GALNT13: variants seen among roughly 807,000 people sequenced by gnomAD.
GALNT13 encodes UDP-GalNAc:polypeptide N-acetylgalactosaminyltransferase 13.
In GALNT13, 28 loss-of-function variants were observed where a neutral mutation model predicts 64.2. The observed-to-expected ratio is 0.44, with a 90% CI of 0.32 to 0.60. GALNT13 has a LOEUF of 0.60. GALNT13 is among the 20% of genes least tolerant of loss of function. GALNT13 has a pLI of 0.05. For missense variants in GALNT13, 577 were observed against 669.8 expected (o/e 0.86, Z 1.53); for synonymous variants, 214 against 224.6 (o/e 0.95, Z 0.42).
At chr2:153,886,868 A>T (rs1227123914) in intron 1 of GALNT13, among the ~76,000 whole-genome samples, 1 of 151,942 alleles carries the variant, frequency 6.6e-6, no homozygotes, top group African/African-American at 2.4e-5. Flanking sequence ...CTAAGATAAG[A>T]TAAATGTAGA....
At chr2:153,913,333 AGGG>A (rs1405970760) in intron 2 of GALNT13, among the ~76,000 whole-genome samples, 1 of 152,128 alleles carries the variant, frequency 6.6e-6, no homozygotes, top group African/African-American at 2.4e-5. Context: ...GTGGTATAGC[AGGG>A]TGCGTGCACA....
chr2:154,016,327 A>C (rs1325356290), intron 3 of GALNT13, among the ~76,000 whole-genome samples: 1 of 152,218 alleles, frequency 6.6e-6, no homozygotes, highest in East Asian at 1.9e-4. Flanking sequence ...GTGATTTTTA[A>C]AGATTATGTT....
intron 4 of GALNT13, among the ~76,000 whole-genome samples, chr2:154,172,929 A>G (rs1244261219): frequency 1.3e-5 from 2 of 152,126 alleles, no homozygotes; most frequent in African/African-American, 4.8e-5. Flanking sequence ...TGCAATCCCT[A>G]TCAAAATACC....
the GALNT13 span, among the ~76,000 whole-genome samples, chr2:153,419,277 G>C: frequency 1.3e-5 from 2 of 152,170 alleles, no homozygotes; most frequent in Non-Finnish European, 2.9e-5. Flanking sequence ...AGTATCATGA[G>C]AACAGATGAG....
At chr2:153,978,887 C>T (rs1694256975) in intron 3 of GALNT13, among the ~76,000 whole-genome samples, 1 of 151,978 alleles carries the variant, frequency 6.6e-6, no homozygotes, top group African/African-American at 2.4e-5. Context: ...AGTGAGCTCT[C>T]ATTGCACCAC....
chr2:154,185,694 T>G (rs1686212342), intron 4 of GALNT13, among the ~76,000 whole-genome samples: 2 of 151,946 alleles, frequency 1.3e-5, no homozygotes, highest in Admixed American at 1.3e-4. Flanking sequence ...TTTCTATTTT[T>G]TTATAATTTT....
intron 9 of GALNT13, among the ~76,000 whole-genome samples, chr2:154,325,857 G>C (rs556683933): frequency 6.6e-6 from 1 of 152,090 alleles, no homozygotes; most frequent in South Asian, 2.1e-4. Flanking sequence ...CAGCTGTGAG[G>C]GTAACTCATT....
At chr2:153,387,778 T>A in the GALNT13 span, among the ~76,000 whole-genome samples, 2 of 152,070 alleles carry the variant, frequency 1.3e-5, no homozygotes, top group African/African-American at 2.4e-5. Context: ...CAAAGATGAT[T>A]TTTTGGAAGT....
the GALNT13 span, among the ~76,000 whole-genome samples, chr2:153,112,112 T>A: frequency 6.6e-6 from 1 of 152,138 alleles, no homozygotes; most frequent in African/African-American, 2.4e-5. Context: ...TCCTTCCATA[T>A]GGCGGGGGCA....
intron 11 of GALNT13, among the ~76,000 whole-genome samples, chr2:154,425,078 A>G (rs746647635): frequency 2.2e-4 from 34 of 152,356 alleles, no homozygotes; most frequent in Non-Finnish European, 4.4e-4. Flanking sequence ...TAAACAATAC[A>G]TAAGTATATC....
intron 3 of GALNT13, among the ~76,000 whole-genome samples, chr2:154,061,293 A>G (rs1700168842): frequency 6.6e-6 from 1 of 152,104 alleles, no homozygotes; most frequent in Admixed American, 6.5e-5. Flanking sequence ...AGTAATTGCA[A>G]TGCGTTGGCT....
chr2:153,752,903 T>C, the GALNT13 span, among the ~76,000 whole-genome samples: 1 of 152,174 alleles, frequency 6.6e-6, no homozygotes, highest in Admixed American at 6.6e-5. Flanking sequence ...TGAGGCTATT[T>C]TCTAGATCTT....
At chr2:154,151,505 G>C (rs899514954) in intron 4 of GALNT13, among the ~76,000 whole-genome samples, 4 of 152,104 alleles carry the variant, frequency 2.6e-5, no homozygotes, top group Non-Finnish European at 5.9e-5. Context: ...CTGTCTCGTT[G>C]ATCTGTCTAA....
chr2:153,643,021 T>C, the GALNT13 span, among the ~76,000 whole-genome samples: 1 of 151,526 alleles, frequency 6.6e-6, no homozygotes, highest in South Asian at 2.1e-4. Flanking sequence ...TAAATGCCAC[T>C]TAATATAATC....
chr2:154,116,180 G>A (rs1215333855), intron 3 of GALNT13, among the ~76,000 whole-genome samples: 1 of 152,110 alleles, frequency 6.6e-6, no homozygotes, highest in Non-Finnish European at 1.5e-5. Context: ...CTAGGGATGG[G>A]GAAGCTGTTT....
intron 4 of GALNT13, among the ~76,000 whole-genome samples, chr2:154,152,717 T>TA (rs1684123727): frequency 6.6e-6 from 1 of 152,224 alleles, no homozygotes; most frequent in Non-Finnish European, 1.5e-5. Context: ...TTCCAGTTGA[T>TA]CGCATCGGCT....
At chr2:153,424,812 CT>C in the GALNT13 span, among the ~76,000 whole-genome samples, 1 of 151,786 alleles carries the variant, frequency 6.6e-6, no homozygotes, top group East Asian at 1.9e-4. Flanking sequence ...AATTTCAGCA[CT>C]GTTTGTAAAA....
At chr2:153,630,807 A>T in the GALNT13 span, among the ~76,000 whole-genome samples, 595 of 21,922 alleles carry the variant, frequency 0.027, 4 homozygotes, top group African/African-American at 0.047. Context: ...ATATATATAT[A>T]TTTTTTTTTT....
the GALNT13 span, among the ~76,000 whole-genome samples, chr2:153,765,644 G>A: frequency 6.6e-6 from 1 of 152,154 alleles, no homozygotes; most frequent in Non-Finnish European, 1.5e-5. Flanking sequence ...CTGTTGGGAA[G>A]GCATGATTGT....
Sources: gnomAD v4.1 joint callset for allele counts (sites outside exome capture counted in the v4.1 genomes callset) on GRCh38, gnomAD v4.1.1 for gene constraint, MANE v1.5 for transcripts, NCBI Gene and HGNC (gene_info 2026-07-23, HGNC 2026-07-21) for gene names.